SHOC2: variants seen among roughly 807,000 people sequenced by gnomAD.
SHOC2 encodes the protein leucine-rich repeat protein SHOC-2.
SHOC2 carries 4 observed loss-of-function variants against 50.2 expected under a neutral mutation model. That is an observed-to-expected ratio of 0.08 (90% CI 0.04 to 0.18). The LOEUF is 0.18. Among genes scored for constraint, SHOC2 ranks in the 10% least tolerant of loss-of-function variants. The probability of loss-of-function intolerance (pLI) is 1.00; values close to 1 mark genes in which losing one functional copy is unlikely to be tolerated. For missense variants in SHOC2, 388 were observed against 669.6 expected (o/e 0.58, Z 4.64); for synonymous variants, 218 against 244.5 (o/e 0.89, Z 1.01).
chr10:110,981,352 A>AATTAATGC (rs1847973028), intron 2 of SHOC2, among the ~76,000 whole-genome samples: 1 of 152,216 alleles, frequency 6.6e-6, no homozygotes, highest in Non-Finnish European at 1.5e-5. Flanking sequence ...TGAATGAATG[A>AATTAATGC]ATTAATGCAG....
In SHOC2 at chr10:110,977,397, C is replaced by T. The variant is rs183534570; in HGVS notation, c.704-8231C>T. Among the ~76,000 whole-genome samples, 596 of 152,188 alleles carry T rather than the reference C, an allele frequency of 3.9e-3. 5 individuals carry two copies. The highest frequency in any genetic ancestry group is 0.014 in the African/African-American group (578 of 41,510). On this transcript the variant is annotated intron_variant, in intron 2 of 8. Coordinates refer to ENST00000369452, the MANE Select transcript of SHOC2 (RefSeq NM_007373.4). ...AGTAGCTGAGATTAGAAGCATGCAC[C>T]ACCACACCCGGCTAATTTTGTGTTT...
At chr10:110,920,913 G>A (rs896682132) in intron 1 of SHOC2, among the ~76,000 whole-genome samples, 6 of 152,188 alleles carry the variant, frequency 3.9e-5, no homozygotes, top group African/African-American at 1.4e-4. Flanking sequence ...AGTGCGTCTA[G>A]TTTCTACTCA....
intron 5 of SHOC2, among the ~76,000 whole-genome samples, chr10:111,005,945 T>TG (rs1168833973): frequency 6.6e-6 from 1 of 152,222 alleles, no homozygotes; most frequent in African/African-American, 2.4e-5. Flanking sequence ...GATGATTCTT[T>TG]GGAAGTATAT....
At chr10:110,996,789 G>A (rs928058732) in intron 3 of SHOC2, among the ~76,000 whole-genome samples, 1 of 152,138 alleles carries the variant, frequency 6.6e-6, no homozygotes, top group African/African-American at 2.4e-5. Flanking sequence ...TATTACCAGT[G>A]TCTGGCTCTG....
At chr10:110,961,982 CT>C (rs1023840537) in intron 1 of SHOC2, among the ~76,000 whole-genome samples, 1 of 152,036 alleles carries the variant, frequency 6.6e-6, no homozygotes, top group African/African-American at 2.4e-5. Context: ...CCTAGACCCC[CT>C]CTCCCTAAAA....
intron 1 of SHOC2, among the ~76,000 whole-genome samples, chr10:110,936,153 A>G (rs1359650746): frequency 6.7e-6 from 1 of 149,592 alleles, no homozygotes; most frequent in East Asian, 1.9e-4. Context: ...TTGGAGTGCA[A>G]TGGCGCGATC....
intron 2 of SHOC2, among the ~76,000 whole-genome samples, chr10:110,985,224 T>C (rs1848055882): frequency 6.6e-6 from 1 of 152,186 alleles, no homozygotes; most frequent in African/African-American, 2.4e-5. Context: ...TATCTGATAT[T>C]ATTGTGCTGA....
chr10:111,002,714 T>G (rs1848400690), intron 4 of SHOC2, among the ~76,000 whole-genome samples: 1 of 151,764 alleles, frequency 6.6e-6, no homozygotes. Context: ...ATCTAATTAA[T>G]CCACCAAAGT....
At chr10:110,998,664 G>C (rs1848312738) in intron 3 of SHOC2, among the ~76,000 whole-genome samples, 1 of 152,030 alleles carries the variant, frequency 6.6e-6, no homozygotes, top group Non-Finnish European at 1.5e-5. Context: ...CTATGGAATA[G>C]TTCTAATTGG....
intron 1 of SHOC2, among the ~76,000 whole-genome samples, chr10:110,947,773 A>C (rs1847275431): frequency 6.6e-6 from 1 of 152,028 alleles, no homozygotes; most frequent in East Asian, 1.9e-4. Context: ...TACCAAAAAA[A>C]AAAAAAAAAT....
intron 2 of SHOC2, among the ~76,000 whole-genome samples, chr10:110,965,999 T>C (rs1183994493): frequency 6.6e-6 from 1 of 152,114 alleles, no homozygotes; most frequent in African/African-American, 2.4e-5. Context: ...AGGCAATTTA[T>C]TCTGAGAAAA....
chr10:110,952,173 T>C (rs893106707), intron 1 of SHOC2, among the ~76,000 whole-genome samples: 2 of 152,140 alleles, frequency 1.3e-5, no homozygotes, highest in Non-Finnish European at 2.9e-5. Flanking sequence ...ATTTAAGTGA[T>C]TTTTTCCAGT....
intron 3 of SHOC2, among the ~76,000 whole-genome samples, chr10:110,994,149 A>T (rs574613210): frequency 6.6e-6 from 1 of 152,144 alleles, no homozygotes; most frequent in Non-Finnish European, 1.5e-5. Context: ...TTTTATCTGC[A>T]GCTGCATACA....
At chr10:110,934,495 G>C (rs1846964530) in intron 1 of SHOC2, among the ~76,000 whole-genome samples, 1 of 152,014 alleles carries the variant, frequency 6.6e-6, no homozygotes. Context: ...ATACTATGCT[G>C]TCATTTTTAA....
At chr10:111,000,387 A>T in intron 3 of SHOC2, 28 bp from the exon 4 acceptor site, 1 of 1,612,212 alleles carries the variant, frequency 6.2e-7, no homozygotes, top group East Asian at 2.2e-5. Flanking sequence ...TGTAAAAAAT[A>T]AATTTCTTTT....
intron 1 of SHOC2, among the ~76,000 whole-genome samples, chr10:110,922,835 G>A (rs1001217493): frequency 6.6e-6 from 1 of 152,164 alleles, no homozygotes; most frequent in East Asian, 1.9e-4. Context: ...ATTTCTTAAT[G>A]AGACTAGTAG....
At chr10:111,004,503 A>AC (rs1564729377) in intron 4 of SHOC2, 103 bp from the exon 5 acceptor site, 2 of 791,006 alleles carry the variant, frequency 2.5e-6, no homozygotes, top group Non-Finnish European at 4.4e-6. Flanking sequence ...GTCATTTGTC[A>AC]CCCCCCAAAG....
chr10:111,004,585 T>G, intron 4 of SHOC2, 21 bp from the exon 5 acceptor site: 1 of 1,559,900 alleles, frequency 6.4e-7, no homozygotes, highest in Non-Finnish European at 8.8e-7. Context: ...AATTCTTATG[T>G]TTATTTCATT....
At chr10:110,924,142 A>G (rs921663811) in intron 1 of SHOC2, among the ~76,000 whole-genome samples, 13 of 152,316 alleles carry the variant, frequency 8.5e-5, no homozygotes, top group African/African-American at 2.2e-4. Context: ...TAGTAACTAC[A>G]GTTTCACATT....
Sources: gnomAD v4.1 joint callset for allele counts (sites outside exome capture counted in the v4.1 genomes callset) on GRCh38, gnomAD v4.1.1 for gene constraint, MANE v1.5 for transcripts, NCBI Gene and HGNC (gene_info 2026-07-23, HGNC 2026-07-21) for gene names.